FGF14: variants seen among roughly 807,000 people sequenced by gnomAD.
FGF14 encodes fibroblast growth factor 14.
FGF14 carries 5 observed loss-of-function variants against 25.5 expected under a neutral mutation model. The observed-to-expected ratio is 0.20, with a 90% confidence interval of 0.10 to 0.41. The LOEUF is 0.41. Among genes scored for constraint, FGF14 ranks in the 10% least tolerant of loss-of-function variants. FGF14 has a pLI of 1.00. For synonymous variants in FGF14, 138 were observed against 118.3 expected (o/e 1.17, Z -1.08); for missense variants, 222 against 320.1 (o/e 0.69, Z 2.34).
In FGF14 at chr13:101,916,903, C is replaced by T. The variant is rs1004987061; in HGVS notation, c.-258G>A. Among the ~76,000 whole-genome samples, 72 of 152,164 alleles carry T rather than the reference C, an allele frequency of 4.7e-4. No individual in the cohort carries two copies. Among genetic ancestry groups the T allele is most frequent in the African/African-American group, 1.7e-3 (70 of 41,556 alleles). On this transcript the variant is annotated 5_prime_UTR_variant, in exon 1 of 5. Transcript: ENST00000376143. ...CCGGGAAGCCGGACGTCGTGGCCGC[C>T]GCCGCTTGGCCACGTCCGAGTGGAG...
At chr13:102,052,329 T>C (rs1236278245) in intron 1 of FGF14, among the ~76,000 whole-genome samples, 2 of 152,072 alleles carry the variant, frequency 1.3e-5, no homozygotes, top group African/African-American at 4.8e-5. Context: ...GGAAAGTTTA[T>C]TTTAAAAAAA....
At chr13:102,143,407 T>TA (rs1452041181) in intron 1 of FGF14, among the ~76,000 whole-genome samples, 1 of 152,214 alleles carries the variant, frequency 6.6e-6, no homozygotes, top group Non-Finnish European at 1.5e-5. Flanking sequence ...TGCAAATATG[T>TA]ATTAGTACAT....
At chr13:102,211,357 C>T (rs2050151514) in intron 1 of FGF14, among the ~76,000 whole-genome samples, 1 of 152,158 alleles carries the variant, frequency 6.6e-6, no homozygotes, top group African/African-American at 2.4e-5. Flanking sequence ...TTTTAAACAA[C>T]AGCATTTAAA....
At chr13:102,130,858 C>A (rs1350989271) in intron 1 of FGF14, among the ~76,000 whole-genome samples, 1 of 152,064 alleles carries the variant, frequency 6.6e-6, no homozygotes, top group Non-Finnish European at 1.5e-5. Context: ...TCCACTATAC[C>A]CGAAGGCTAT....
intron 1 of FGF14, among the ~76,000 whole-genome samples, chr13:102,164,067 T>C (rs1169505254): frequency 1.3e-5 from 2 of 152,260 alleles, no homozygotes; most frequent in Admixed American, 6.5e-5. Flanking sequence ...TATTGCTTTG[T>C]CCAGTGTAAT....
intron 1 of FGF14, among the ~76,000 whole-genome samples, chr13:101,916,030 G>A (rs1403710721): frequency 1.3e-5 from 2 of 152,224 alleles, no homozygotes; most frequent in African/African-American, 4.8e-5. Flanking sequence ...GACCAAGTGA[G>A]GCCAGGCCCA....
At chr13:102,229,150 T>C (rs767053057) in intron 1 of FGF14, among the ~76,000 whole-genome samples, 1 of 152,104 alleles carries the variant, frequency 6.6e-6, no homozygotes, top group African/African-American at 2.4e-5. Context: ...TGCCTGGGAG[T>C]TCTCACTCAC....
rs144135431 is a variant in FGF14, at chr13:102,186,806, T to C, written c.208+214665A>G. Among the ~76,000 whole-genome samples the C allele has an allele frequency of 9.2e-4, 140 of 152,244 alleles. No homozygotes were observed. The East Asian group carries it at 0.023, about 25-fold the overall frequency. On this transcript the variant is annotated intron_variant, in intron 1 of 4. Transcript: ENST00000376131. ...ATCTGAGTTATACATGCAGTGCACATATAAAACATGTACACACACTTGAGT... is the reference window on the plus strand; with the variant it reads ...ATCTGAGTTATACATGCAGTGCACACATAAAACATGTACACACACTTGAGT...
intron 1 of FGF14, among the ~76,000 whole-genome samples, chr13:102,212,038 C>T (rs1412892888): frequency 1.5e-4 from 23 of 152,078 alleles, no homozygotes; most frequent in Admixed American, 1.5e-3. Context: ...CTTAGGGCTC[C>T]TTCGTTTCCA....
intron 3 of FGF14, among the ~76,000 whole-genome samples, chr13:101,764,433 T>C (rs1887697): frequency 0.41 from 62,337 of 152,110 alleles, 14,400 homozygotes; most frequent in Non-Finnish European, 0.52. Context: ...GTGAATGTGA[T>C]GGAAAATTGA....
chr13:101,778,710 A>G (rs1225753739), intron 3 of FGF14, among the ~76,000 whole-genome samples: 1 of 152,152 alleles, frequency 6.6e-6, no homozygotes, highest in Non-Finnish European at 1.5e-5. Context: ...TTTATAGATT[A>G]CAGCATGAAT....
At chr13:102,041,595 AAGAG>A (rs1555345220) in intron 1 of FGF14, among the ~76,000 whole-genome samples, 1 of 149,850 alleles carries the variant, frequency 6.7e-6, no homozygotes, top group Non-Finnish European at 1.5e-5. Context: ...AAAAAAAAAA[AAGAG>A]AGATTTTATT....
chr13:101,750,366 CA>C (rs113153308), intron 3 of FGF14, among the ~76,000 whole-genome samples: 9 of 149,774 alleles, frequency 6.0e-5, no homozygotes, highest in South Asian at 4.2e-4. Context: ...TACAGAATGA[CA>C]AAAAAAAATG....
intron 1 of FGF14, among the ~76,000 whole-genome samples, chr13:102,371,963 T>C (rs927767005): frequency 2.6e-5 from 4 of 152,186 alleles, no homozygotes; most frequent in African/African-American, 7.2e-5. Context: ...AAGTATGTAG[T>C]TGGAAGATGC....
intron 1 of FGF14, among the ~76,000 whole-genome samples, chr13:102,251,169 CA>C (rs1231689248): frequency 6.6e-6 from 1 of 152,156 alleles, no homozygotes; most frequent in Non-Finnish European, 1.5e-5. Context: ...ATGAATGCTA[CA>C]TCAAATCACT....
At chr13:101,976,235 G>A (rs750563318) in intron 1 of FGF14, among the ~76,000 whole-genome samples, 13 of 151,856 alleles carry the variant, frequency 8.6e-5, no homozygotes, top group Non-Finnish European at 1.5e-4. Context: ...AATTCATAGC[G>A]CTATTAATGT....
At chr13:102,083,931 G>A (rs752566025) in intron 1 of FGF14, among the ~76,000 whole-genome samples, 8 of 152,280 alleles carry the variant, frequency 5.3e-5, no homozygotes, top group Middle Eastern at 3.4e-3. Flanking sequence ...TTTGCTTAAA[G>A]TAAAAGCCAA....
intron 1 of FGF14, among the ~76,000 whole-genome samples, chr13:102,080,814 T>C (rs1289908405): frequency 6.6e-6 from 1 of 152,218 alleles, no homozygotes; most frequent in Admixed American, 6.5e-5. Context: ...GAAAAGTACC[T>C]TTATTAGATT....
At chr13:101,916,339 G>C (rs2033485438) in intron 1 of FGF14, 114 bp downstream of exon 1, 5 of 1,309,968 alleles carry the variant, frequency 3.8e-6, no homozygotes, top group Non-Finnish European at 4.4e-6. Context: ...CAGAAGGGAG[G>C]CCGGGGCCGG....
Sources: gnomAD v4.1 joint callset for allele counts (sites outside exome capture counted in the v4.1 genomes callset) on GRCh38, gnomAD v4.1.1 for gene constraint, MANE v1.5 for transcripts, NCBI Gene and HGNC (gene_info 2026-07-23, HGNC 2026-07-21) for gene names.